VCL: variants seen among roughly 807,000 people sequenced by gnomAD.
The protein encoded by VCL is vinculin.
A neutral mutation model predicts 125.7 loss-of-function variants in VCL; 47 were observed. The observed-to-expected ratio is 0.37, with a 90% CI of 0.30 to 0.48. VCL has a LOEUF of 0.48. VCL is among the 20% of genes least tolerant of loss of function. VCL has a pLI of 0.99. For synonymous variants in VCL, 458 were observed against 514.6 expected (o/e 0.89, Z 1.49); for missense variants, 1,069 against 1,455.5 (o/e 0.73, Z 4.32).
intron 12 of VCL, among the ~76,000 whole-genome samples, chr10:74,096,446 A>C (rs1839971037): frequency 6.6e-6 from 1 of 152,166 alleles, no homozygotes; most frequent in Admixed American, 6.5e-5. Flanking sequence ...TTATCCTTTA[A>C]AAGAAACACA....
chr10:74,009,484 C>T (rs1840387622), intron 1 of VCL, among the ~76,000 whole-genome samples: 1 of 151,994 alleles, frequency 6.6e-6, no homozygotes, highest in South Asian at 2.1e-4. Context: ...TGGTCTCGAT[C>T]TGCTGACCTC....
chr10:74,083,777 C>T (rs1839719407), intron 8 of VCL, among the ~76,000 whole-genome samples: 1 of 152,050 alleles, frequency 6.6e-6, no homozygotes, highest in African/African-American at 2.4e-5. Flanking sequence ...CTGCAACCTC[C>T]ACCTCCCAGG....
chr10:74,047,250 T>C (rs1453337409), intron 2 of VCL, among the ~76,000 whole-genome samples: 1 of 152,182 alleles, frequency 6.6e-6, no homozygotes, highest in African/African-American at 2.4e-5. Flanking sequence ...TGAGCTGTCA[T>C]TATGCCACTG....
intron 5 of VCL, 71 bp from the exon 6 acceptor site, chr10:74,074,672 C>T: frequency 1.3e-6 from 2 of 1,556,042 alleles, no homozygotes; most frequent in Non-Finnish European, 1.8e-6. Flanking sequence ...AAGTGTAGAA[C>T]ATCTTTTGTG....
intron 1 of VCL, among the ~76,000 whole-genome samples, chr10:74,023,184 C>T (rs942725991): frequency 2.0e-5 from 3 of 152,196 alleles, no homozygotes; most frequent in African/African-American, 7.2e-5. Context: ...CAAAAGGCTG[C>T]ATATGTGATG....
At position 74,009,351 on chromosome 10, in the gene VCL, C is replaced by T. The variant is rs578126225; in HGVS notation, c.168+10976C>T. ...TCGGCTCACTGCAAGCTCCACTTCC[C>T]GGGTTCACGCCATTCTCCCACCTCA... is the stretch of plus-strand genomic sequence containing the variant. On this transcript the variant is annotated intron_variant, in intron 1 of 21. Coordinates refer to ENST00000211998, the MANE Select transcript of VCL (RefSeq NM_014000.3). Among the ~76,000 whole-genome samples the T allele has an allele frequency of 2.0e-4, 30 of 151,966 alleles. No individual in the cohort carries two copies. The South Asian group carries it at 4.6e-3, about 23-fold the overall frequency.
In VCL at chr10:74,062,838, C is replaced by T. The variant is rs111279097; in HGVS notation, c.240-7832C>T. 4.8e-4 allele frequency among the ~76,000 whole-genome samples: 73 copies of T among 152,114 alleles called. 1 individual carries two copies. The highest frequency in any genetic ancestry group is 1.3e-3 in the African/African-American group (55 of 41,512). On this transcript the variant is annotated intron_variant, in intron 2 of 21. Transcript: ENST00000211998. ...ATCCCAACACTTTGGGAGGCTGAGG[C>T]GGGTGGATCACTTGAGGCCAGGAGT...
At chr10:74,064,599 G>A (rs1196532377) in intron 2 of VCL, among the ~76,000 whole-genome samples, 3 of 151,960 alleles carry the variant, frequency 2.0e-5, no homozygotes, top group African/African-American at 7.3e-5. Flanking sequence ...GTAGAGATGA[G>A]ATCTTGCTCT....
At position 74,118,660 on chromosome 10, in the gene VCL, C is replaced by T. The variant is rs915076132; in HGVS notation, c.*491C>T. ...CTTTCCATGTTGCTGCCAACCATAC[C>T]TTCCTTCCCTGGGCTGTGCTACCTG... On this transcript the variant is annotated 3_prime_UTR_variant, in exon 22 of 22. Coordinates refer to ENST00000211998, the MANE Select transcript of VCL (RefSeq NM_014000.3). The T allele has an allele frequency of 8.8e-5, 21 of 239,732 alleles. No individual in the cohort carries two copies. The allele number at this position is 239,732 out of a possible 1,614,324, so 14.9% of individuals were successfully genotyped here. A position where few individuals can be genotyped will look rare whatever the true frequency, so the allele number is the denominator to read the frequency against.
At chr10:74,056,570 C>A (rs1455433368) in intron 2 of VCL, among the ~76,000 whole-genome samples, 1 of 152,124 alleles carries the variant, frequency 6.6e-6, no homozygotes, top group Non-Finnish European at 1.5e-5. Flanking sequence ...AGGGTTGGAA[C>A]AGCATGTATT....
intron 1 of VCL, among the ~76,000 whole-genome samples, chr10:74,022,318 G>T (rs1449242977): frequency 2.0e-5 from 3 of 152,026 alleles, no homozygotes; most frequent in African/African-American, 7.2e-5. Context: ...GGCTGAGGTG[G>T]GTGGATCACC....
chr10:74,054,215 A>ATGTTGATTGTTGTTATGT (rs1841356686), intron 2 of VCL, among the ~76,000 whole-genome samples: 1 of 152,174 alleles, frequency 6.6e-6, no homozygotes, highest in Non-Finnish European at 1.5e-5. Context: ...CTATCAGCTT[A>ATGTTGATTGTTGTTATGT]TGATTGATAT....
intron 12 of VCL, 122 bp downstream of exon 12, chr10:74,095,977 G>T: frequency 8.2e-7 from 1 of 1,217,910 alleles, no homozygotes; most frequent in South Asian, 1.4e-5. Context: ...TGAAAAGAGT[G>T]TGACCAAAGA....
rs1046396087 is a variant in VCL at position 74,071,184 on chromosome 10, G to T, written c.499+101G>T. The T allele has an allele frequency of 4.7e-6, 5 of 1,059,620 alleles. No individual in the cohort carries two copies. The African/African-American group carries it at 7.9e-5, about 17-fold the overall frequency. 65.6% of individuals were successfully genotyped at this position (1,059,620 alleles called of 1,614,324 possible). On this transcript the variant is annotated intron_variant, in intron 4 of 21. Transcript: ENST00000211998. This position sits in a 1 kb window ranked among gnomAD's most constrained non-coding sequence, Gnocchi z 4.1. The stretch of plus-strand genomic sequence containing the variant: ...CTACTTTTTGCAGAAGATAGGTGAA[G>T]ATGCATTGGGCTTTCAGGTGTCTGC...
Position 74,101,182 on chromosome 10 carries a change from G to A in VCL, c.2022+85G>A, listed in dbSNP as rs563275215. ...TTCTATACATTTTTGAATACTTACC[G>A]TAAGATGGCATAAAAAAACATATAC... On this transcript the variant is annotated intron_variant, in intron 14 of 21. Transcript: ENST00000211998. 79 of 1,531,966 alleles carry A rather than the reference G, an allele frequency of 5.2e-5. No homozygotes were observed. The South Asian group carries it at 5.2e-4, about 10-fold the overall frequency. 94.9% of individuals were successfully genotyped at this position (1,531,966 alleles called of 1,614,324 possible). A position where few individuals can be genotyped will look rare whatever the true frequency, so the allele number is the denominator to read the frequency against.
At chr10:74,020,712 A>G (rs1222304913) in intron 1 of VCL, among the ~76,000 whole-genome samples, 1 of 151,770 alleles carries the variant, frequency 6.6e-6, no homozygotes, top group East Asian at 1.9e-4. Flanking sequence ...ATGGTGGTGC[A>G]CACCTGTAGT....
chr10:74,102,001 G>A (rs545062822), intron 14 of VCL, among the ~76,000 whole-genome samples: 1 of 149,636 alleles, frequency 6.7e-6, no homozygotes, highest in South Asian at 2.1e-4. Context: ...GAGTAGCTGG[G>A]ATTACAGGCA....
intron 2 of VCL, among the ~76,000 whole-genome samples, chr10:74,050,323 G>A (rs1293827653): frequency 6.6e-6 from 1 of 152,144 alleles, no homozygotes; most frequent in Non-Finnish European, 1.5e-5. Flanking sequence ...CATGTGAAAG[G>A]ATGTACTACT....
intron 1 of VCL, among the ~76,000 whole-genome samples, chr10:74,011,327 T>C (rs1224354558): frequency 1.3e-5 from 2 of 152,174 alleles, no homozygotes; most frequent in African/African-American, 4.8e-5. Context: ...CACTGCCTTC[T>C]TTCAAGTCCC....
Sources: allele counts gnomAD v4.1 joint callset (sites outside exome capture counted in the v4.1 genomes callset), GRCh38; gene constraint gnomAD v4.1.1; non-coding constraint Gnocchi (gnomAD v3.1); transcripts MANE v1.5; gene names NCBI Gene and HGNC (gene_info 2026-07-23, HGNC 2026-07-21).